ABTB2: variants seen among roughly 807,000 people sequenced by gnomAD.
The protein encoded by ABTB2 is ankyrin repeat and BTB/POZ domain-containing protein 2.
ABTB2 carries 56 observed loss-of-function variants against 104.1 expected under a neutral mutation model. The ratio of observed to expected loss-of-function variants is 0.54; its 90% CI spans 0.43 to 0.67. ABTB2 has a LOEUF of 0.67. Among genes scored for constraint, ABTB2 ranks in the 30% least tolerant of loss-of-function variants. ABTB2 has a pLI of 0.00. For synonymous variants in ABTB2, 606 were observed against 608.2 expected (o/e 1.00, Z 0.05); for missense variants, 1,279 against 1,407.7 (o/e 0.91, Z 1.46).
chr11:34,295,155 G>T (rs140610758), intron 1 of ABTB2, among the ~76,000 whole-genome samples: 1 of 151,972 alleles, frequency 6.6e-6, no homozygotes, highest in South Asian at 2.1e-4. Context: ...CTGCACTTTC[G>T]TCTGGGCAAC....
intron 1 of ABTB2, among the ~76,000 whole-genome samples, chr11:34,205,871 T>G (rs1434722295): frequency 3.9e-5 from 6 of 152,144 alleles, no homozygotes; most frequent in African/African-American, 1.4e-4. Flanking sequence ...CTACATCAGT[T>G]CATCATCTGT....
intron 3 of ABTB2, among the ~76,000 whole-genome samples, chr11:34,175,465 T>C (rs1173592658): frequency 6.6e-6 from 1 of 152,216 alleles, no homozygotes; most frequent in Non-Finnish European, 1.5e-5. Context: ...CTGAATACTG[T>C]ATGAAAGTGA....
chr11:34,155,547 C>T lies in ABTB2; in HGVS notation c.2698-778G>A, dbSNP rs1018190071. ...AATTCTTTCTGGCTGGCTGAAGAAA[C>T]GGCTCCAGCAAGGAGCTGGCAAGTG... is the stretch of plus-strand genomic sequence containing the variant. On this transcript the variant is annotated intron_variant, in intron 14 of 16. Transcript: ENST00000435224. Among the ~76,000 whole-genome samples, 5 of 152,230 alleles carry T rather than the reference C, an allele frequency of 3.3e-5. No homozygotes were observed. In the South Asian group the frequency reaches 6.2e-4, roughly 19 times the overall value.
intron 1 of ABTB2, among the ~76,000 whole-genome samples, chr11:34,329,378 C>A (rs1028595987): frequency 2.0e-5 from 3 of 152,194 alleles, no homozygotes; most frequent in Non-Finnish European, 4.4e-5. Flanking sequence ...TCCCACTCCA[C>A]CCCCCTGCCC....
chr11:34,317,694 G>A lies in ABTB2; in HGVS notation c.883+39007C>T, dbSNP rs933715776. Among the ~76,000 whole-genome samples, 83 of 150,966 alleles carry A rather than the reference G, an allele frequency of 5.5e-4. 1 individual carries two copies. The highest frequency in any genetic ancestry group is 4.5e-3 in the Admixed American group (68 of 15,134). On this transcript the variant is annotated intron_variant, in intron 1 of 16. Transcript: ENST00000435224. ...GGAGGATCACTTGAGCCTGGGAGGC[G>A]GAGGTTGCAGTGCACCAAGATGTTG...
chr11:34,296,535 T>C (rs192315504), intron 1 of ABTB2, among the ~76,000 whole-genome samples: 6 of 152,210 alleles, frequency 3.9e-5, no homozygotes, highest in Admixed American at 6.5e-5. Flanking sequence ...GACAGGACCA[T>C]TGGAAGTGAG....
At chr11:34,269,159 A>G (rs1854284398) in intron 1 of ABTB2, among the ~76,000 whole-genome samples, 1 of 152,176 alleles carries the variant, frequency 6.6e-6, no homozygotes, top group African/African-American at 2.4e-5. Context: ...TGACAGGAAC[A>G]GCCCCTTCTC....
At chr11:34,185,470 C>G (rs1853084670) in intron 3 of ABTB2, among the ~76,000 whole-genome samples, 1 of 152,216 alleles carries the variant, frequency 6.6e-6, no homozygotes, top group Non-Finnish European at 1.5e-5. Context: ...TGCTCAGGGC[C>G]TACTCTGTGC....
intron 1 of ABTB2, among the ~76,000 whole-genome samples, chr11:34,238,854 T>A (rs1193110068): frequency 1.3e-5 from 2 of 152,146 alleles, no homozygotes; most frequent in Non-Finnish European, 2.9e-5. Flanking sequence ...CCCGGGTTCA[T>A]GCCATTCTCC....
intron 2 of ABTB2, among the ~76,000 whole-genome samples, chr11:34,200,725 A>C (rs1853325698): frequency 6.6e-6 from 1 of 152,218 alleles, no homozygotes; most frequent in South Asian, 2.1e-4. Flanking sequence ...ACAGACAAGG[A>C]AGCAAGCTTG....
chr11:34,197,314 A>G lies in ABTB2; in HGVS notation c.1244+11T>C, dbSNP rs1374688645. The G allele has an allele frequency of 4.3e-6, 7 of 1,613,642 alleles. No homozygotes were observed. The East Asian group carries it at 1.3e-4, about 31-fold the overall frequency. ...GTCCCACCAGGTGCTCAGCCCAAGG[A>G]AGATCCCTACCGTTCATTGTTCAAG... On this transcript the variant is annotated intron_variant, in intron 3 of 16. Coordinates refer to ENST00000435224, the MANE Select transcript of ABTB2 (RefSeq NM_145804.3).
At chr11:34,210,741 A>C (rs1374748818) in intron 1 of ABTB2, among the ~76,000 whole-genome samples, 2 of 152,202 alleles carry the variant, frequency 1.3e-5, no homozygotes, top group African/African-American at 4.8e-5. Context: ...GCCTGTCCCT[A>C]GTTTCTTTGA....
At chr11:34,210,426 C>T (rs1253046461) in intron 1 of ABTB2, among the ~76,000 whole-genome samples, 2 of 152,116 alleles carry the variant, frequency 1.3e-5, no homozygotes, top group African/African-American at 2.4e-5. Context: ...GCTATAACAC[C>T]ACCACTTTCC....
chr11:34,300,697 T>G (rs978743776), intron 1 of ABTB2, among the ~76,000 whole-genome samples: 3 of 152,132 alleles, frequency 2.0e-5, no homozygotes, highest in African/African-American at 7.2e-5. Context: ...TCTTCTGTTC[T>G]TTTAAAAAAA....
At chr11:34,262,343 C>G (rs1468405624) in intron 1 of ABTB2, among the ~76,000 whole-genome samples, 5 of 152,166 alleles carry the variant, frequency 3.3e-5, no homozygotes, top group Admixed American at 3.3e-4. Context: ...ACCTCCCCTG[C>G]AGACGAGGAA....
intron 1 of ABTB2, among the ~76,000 whole-genome samples, chr11:34,316,422 C>A (rs563221144): frequency 6.6e-6 from 1 of 152,326 alleles, no homozygotes; most frequent in African/African-American, 2.4e-5. Flanking sequence ...TCCAGCCCAG[C>A]TCTGACTATA....
At chr11:34,181,758 G>A (rs111765912) in intron 3 of ABTB2, among the ~76,000 whole-genome samples, 17 of 152,266 alleles carry the variant, frequency 1.1e-4, no homozygotes, top group African/African-American at 3.6e-4. Flanking sequence ...CCCATCACCC[G>A]CTAAGCTGTG....
intron 1 of ABTB2, among the ~76,000 whole-genome samples, chr11:34,285,263 C>G (rs570885192): frequency 6.6e-6 from 1 of 152,238 alleles, no homozygotes; most frequent in South Asian, 2.1e-4. Flanking sequence ...TGGATGATGA[C>G]TCTGGCAGGG....
Position 34,357,173 on chromosome 11 carries a change from G to A in ABTB2, c.411C>T (p.Ile137=), listed in dbSNP as rs1359850606. 2 of 1,507,448 alleles carry A rather than the reference G, an allele frequency of 1.3e-6. No homozygotes were observed. The highest frequency in any genetic ancestry group is 1.2e-5 in the South Asian group (1 of 80,074). 93.4% of individuals were successfully genotyped at this position (1,507,448 alleles called of 1,614,324 possible). Residue 137 remains isoleucine (I), a synonymous_variant, in exon 1 of 17, where the codon ATC becomes ATT. Transcript: ENST00000435224. ...RLAGLLRRAL[I]RVAREAQRLS... ...GGCGCTGCGCCTCGCGGGCCACGCG[G>A]ATCAGTGCCCTGCGGAGCAGCCCGG... is the stretch of plus-strand genomic sequence containing the variant.
Sources: gnomAD v4.1 joint callset for allele counts (sites outside exome capture counted in the v4.1 genomes callset) on GRCh38, gnomAD v4.1.1 for gene constraint, MANE v1.5 for transcripts, NCBI Gene and HGNC (gene_info 2026-07-23, HGNC 2026-07-21) for gene names.